Variants in CCDC201 observed in about 807,000 individuals in gnomAD.
The protein encoded by CCDC201 is coiled-coil domain-containing protein 201.
intron 2 of CCDC201, among the ~76,000 whole-genome samples, chr7:45,864,625 G>C (rs1287523605): frequency 6.6e-6 from 1 of 152,134 alleles, no homozygotes; most frequent in Non-Finnish European, 1.5e-5. Flanking sequence ...GGACAGCAGG[G>C]CATGGAAGAG....
At chr7:45,867,765 A>G (rs1786693910) in intron 1 of CCDC201, among the ~76,000 whole-genome samples, 1 of 152,258 alleles carries the variant, frequency 6.6e-6, no homozygotes, top group South Asian at 2.1e-4. Context: ...TAACTGTGTC[A>G]TAAGTTCAAG....
the CCDC201 span, among the ~76,000 whole-genome samples, chr7:45,884,521 C>T: frequency 2.6e-4 from 40 of 152,108 alleles, no homozygotes; most frequent in Non-Finnish European, 5.0e-4. Flanking sequence ...TGTGCCTGGT[C>T]CCCTGCCTGC....
At chr7:45,879,554 C>G in the CCDC201 span, among the ~76,000 whole-genome samples, 1 of 152,182 alleles carries the variant, frequency 6.6e-6, no homozygotes, top group Non-Finnish European at 1.5e-5. Context: ...CTTCACGTGG[C>G]AGAGTGATGG....
At position 45,872,670 on chromosome 7, in the gene CCDC201, A is replaced by G. The variant is rs1786755029; in HGVS notation, c.18+320T>C. ...GGGCCTGGGACACACCTGGGGCCTCAGAGCCCAGGCTGATGAGATGTGGAA... is the reference window on the plus strand; with the variant it reads ...GGGCCTGGGACACACCTGGGGCCTCGGAGCCCAGGCTGATGAGATGTGGAA... On this transcript the variant is annotated intron_variant, in intron 1 of 2. Transcript: ENST00000636578. 2.0e-5 allele frequency among the ~76,000 whole-genome samples: 3 copies of G among 152,190 alleles called. No homozygotes were observed. In the South Asian group the frequency reaches 6.2e-4, roughly 32 times the overall value.
At chr7:45,882,785 T>C in the CCDC201 span, among the ~76,000 whole-genome samples, 3 of 152,240 alleles carry the variant, frequency 2.0e-5, no homozygotes, top group Admixed American at 6.5e-5. Flanking sequence ...GGAGGTCTCC[T>C]GGTCCCCGGT....
At chr7:45,869,088 A>T (rs1166144351) in intron 1 of CCDC201, among the ~76,000 whole-genome samples, 1 of 152,238 alleles carries the variant, frequency 6.6e-6, no homozygotes, top group African/African-American at 2.4e-5. Flanking sequence ...ACTCTTTTGA[A>T]CAAAACATGC....
upstream of CCDC201, among the ~76,000 whole-genome samples, chr7:45,875,984 T>G (rs1276804824): frequency 6.6e-6 from 1 of 152,228 alleles, no homozygotes; most frequent in Non-Finnish European, 1.5e-5. Context: ...CCACGCCCTA[T>G]TCCCCTGAAC....
At chr7:45,873,880 T>C (rs983436389), upstream of CCDC201, among the ~76,000 whole-genome samples, 2 of 151,942 alleles carry the variant, frequency 1.3e-5, no homozygotes, top group African/African-American at 4.8e-5. Flanking sequence ...CAAAGCAAAG[T>C]TTTTAGTGTG....
chr7:45,867,485 G>A (rs771467447), intron 1 of CCDC201, among the ~76,000 whole-genome samples: 5 of 152,128 alleles, frequency 3.3e-5, no homozygotes, highest in African/African-American at 7.2e-5. Flanking sequence ...AGAAAAAACT[G>A]GAACTTTTCT....
chr7:45,877,021 G>A (rs58750150), upstream of CCDC201, among the ~76,000 whole-genome samples: 1 of 152,182 alleles, frequency 6.6e-6, no homozygotes, highest in Non-Finnish European at 1.5e-5. Flanking sequence ...GGCAGGATGA[G>A]GTTCAGAGCC....
the CCDC201 span, among the ~76,000 whole-genome samples, chr7:45,878,155 T>C: frequency 6.6e-6 from 1 of 152,352 alleles, no homozygotes; most frequent in East Asian, 1.9e-4. Context: ...CCTTGGCATC[T>C]CTTCCCCTGT....
chr7:45,869,849 G>A (rs371891954), intron 1 of CCDC201, among the ~76,000 whole-genome samples: 6 of 145,758 alleles, frequency 4.1e-5, no homozygotes, highest in African/African-American at 1.0e-4. Context: ...ACAGAGTCTC[G>A]CTCTGTCACC....
exon 2 of CCDC201, chr7:45,866,157 TGCC>T (rs201701652): frequency 1.5e-5 from 3 of 200,254 alleles, no homozygotes; most frequent in South Asian, 8.0e-5. Context: ...CTGCTGCTGC[TGCC>T]GCTGCCGCTG....
At chr7:45,873,273 A>AC (rs57993163), upstream of CCDC201, among the ~76,000 whole-genome samples, 12 of 57,292 alleles carry the variant, frequency 2.1e-4, no homozygotes, top group African/African-American at 8.2e-4. Context: ...CTTGCGCCCC[A>AC]CCCCCCCACC....
chr7:45,868,408 G>T (rs893967581), intron 1 of CCDC201, among the ~76,000 whole-genome samples: 17 of 152,160 alleles, frequency 1.1e-4, no homozygotes, highest in African/African-American at 4.1e-4. Context: ...CCTATTGCTT[G>T]CACCAGTCAG....
At chr7:45,864,310 C>T (rs886246438) in intron 2 of CCDC201, among the ~76,000 whole-genome samples, 5 of 152,212 alleles carry the variant, frequency 3.3e-5, no homozygotes, top group African/African-American at 4.8e-5. Context: ...GCATCCACAA[C>T]ATGCGTTCCA....
chr7:45,869,533 A>G (rs1583653491), intron 1 of CCDC201, among the ~76,000 whole-genome samples: 2 of 152,194 alleles, frequency 1.3e-5, no homozygotes, highest in African/African-American at 4.8e-5. Context: ...TGAGTTGATC[A>G]TGACCACTTA....
At chr7:45,883,050 T>G in the CCDC201 span, among the ~76,000 whole-genome samples, 1 of 152,210 alleles carries the variant, frequency 6.6e-6, no homozygotes, top group Admixed American at 6.5e-5. Flanking sequence ...CTGGCAACTT[T>G]GGCATGTGTG....
chr7:45,881,041 A>G, the CCDC201 span, among the ~76,000 whole-genome samples: 10 of 152,292 alleles, frequency 6.6e-5, no homozygotes, highest in South Asian at 2.1e-3. Flanking sequence ...CCCACCATCT[A>G]GTGAATTCAG....
Sources: gnomAD v4.1 joint callset for allele counts (sites outside exome capture counted in the v4.1 genomes callset) on GRCh38, gnomAD v4.1.1 for gene constraint, MANE v1.5 for transcripts, NCBI Gene and HGNC (gene_info 2026-07-23, HGNC 2026-07-21) for gene names.